Variants in DCHS2 observed in about 807,000 individuals in gnomAD.
The protein encoded by DCHS2 is dachsous cadherin-related 2, also known as protocadherin-23.
In DCHS2, 142 loss-of-function variants were observed where a neutral mutation model predicts 182.4. That is an observed-to-expected ratio of 0.78 (90% CI 0.68 to 0.89). The LOEUF (loss-of-function observed/expected upper bound fraction) is 0.89, where lower values mean the gene tolerates loss of function less well. DCHS2 is among the 40% of genes least tolerant of loss of function. The pLI, the probability that DCHS2 is intolerant of heterozygous loss-of-function variation, is 0.00. For missense variants in DCHS2, 4,319 were observed against 4,198.6 expected (o/e 1.03, Z -0.79); for synonymous variants, 1,740 against 1,663.3 (o/e 1.05, Z -1.12).
chr4:154,289,919 A>C lies in DCHS2; in HGVS notation c.6463+7932T>G, dbSNP rs915514526. Reference sequence around the variant, plus strand: ...AACACCTTCAACAAACTGGGTATAGAAGAAACATACCTCAGCAAAACAGAG... The same window carrying C: ...AACACCTTCAACAAACTGGGTATAGCAGAAACATACCTCAGCAAAACAGAG... On this transcript the variant is annotated intron_variant, in intron 13 of 19. Coordinates refer to ENST00000357232, the MANE Select transcript of DCHS2 (RefSeq NM_001358235.2). Among the ~76,000 whole-genome samples, 4 of 151,996 alleles carry C rather than the reference A, an allele frequency of 2.6e-5. No homozygotes were observed. In the South Asian group the frequency reaches 8.3e-4, roughly 31 times the overall value.
At chr4:154,275,778 G>GC (rs1561004289) in intron 13 of DCHS2, among the ~76,000 whole-genome samples, 1 of 152,102 alleles carries the variant, frequency 6.6e-6, no homozygotes, top group South Asian at 2.1e-4. Context: ...CTTATTATAT[G>GC]CCCAATTACA....
At chr4:154,393,168 C>T (rs367692791) in intron 1 of DCHS2, among the ~76,000 whole-genome samples, 52 of 152,232 alleles carry the variant, frequency 3.4e-4, no homozygotes, top group African/African-American at 8.4e-4. Flanking sequence ...ATGATTAATA[C>T]CTGATTAAAG....
intron 1 of DCHS2, among the ~76,000 whole-genome samples, chr4:154,415,309 T>G (rs1732790125): frequency 6.6e-6 from 1 of 152,226 alleles, no homozygotes; most frequent in Non-Finnish European, 1.5e-5. Context: ...ATACATAGAT[T>G]TAATTGCATA....
At position 154,333,177 on chromosome 4, in the gene DCHS2, TCCGCCC is replaced by T. The variant is rs779996681; in HGVS notation, c.3025_3030del (p.Gly1009_Arg1010del). 1 of 1,614,210 alleles carries T rather than the reference TCCGCCC, an allele frequency of 6.2e-7. No homozygotes were observed. The highest frequency in any genetic ancestry group is 1.3e-5 in the African/African-American group (1 of 75,062). Reference sequence around the variant, plus strand: ...GCGATGGAGTACCGGATGAGTCCGTTCCGCCCACTGTCTCTGTCTTCCGCACGTGCG... The same window carrying T: ...GCGATGGAGTACCGGATGAGTCCGTTACTGTCTCTGTCTTCCGCACGTGCG... On this transcript the variant is annotated inframe_deletion, in exon 5 of 20. Transcript: ENST00000357232.
chr4:154,283,156 T>A (rs1734230104), intron 13 of DCHS2, among the ~76,000 whole-genome samples: 1 of 152,120 alleles, frequency 6.6e-6, no homozygotes, highest in Non-Finnish European at 1.5e-5. Flanking sequence ...ATGGTAAATT[T>A]TATGTTATGT....
chr4:154,378,458 AAGGG>A (rs1317773138), intron 1 of DCHS2, among the ~76,000 whole-genome samples: 16 of 139,662 alleles, frequency 1.1e-4, no homozygotes, highest in Non-Finnish European at 2.0e-4. Context: ...GGAAGGAAGG[AAGGG>A]AGGAAGGAAG....
At chr4:154,285,882 G>A (rs574293867) in intron 13 of DCHS2, among the ~76,000 whole-genome samples, 2 of 152,250 alleles carry the variant, frequency 1.3e-5, no homozygotes, top group South Asian at 2.1e-4. Context: ...AACATAGCTG[G>A]TAGCAAGGCA....
intron 2 of DCHS2, chr4:154,374,057 T>C (rs1579020501): frequency 2.1e-6 from 2 of 970,038 alleles, no homozygotes; most frequent in Non-Finnish European, 3.0e-6. Flanking sequence ...ATATCTACAA[T>C]ACCAGAAAAG....
At chr4:154,471,148 TCAGGACA>T (rs1386042217) in intron 1 of DCHS2, among the ~76,000 whole-genome samples, 29 of 152,310 alleles carry the variant, frequency 1.9e-4, no homozygotes, top group African/African-American at 6.7e-4. Flanking sequence ...CCATGTGGGT[TCAGGACA>T]AACTGACTTG....
At chr4:154,301,025 T>C (rs1735178311) in intron 12 of DCHS2, among the ~76,000 whole-genome samples, 1 of 152,164 alleles carries the variant, frequency 6.6e-6, no homozygotes, top group Non-Finnish European at 1.5e-5. Context: ...ATATCCTTAT[T>C]CCTAAAATTG....
chr4:154,418,110 G>A (rs981206748), intron 1 of DCHS2, among the ~76,000 whole-genome samples: 4 of 152,040 alleles, frequency 2.6e-5, no homozygotes, highest in African/African-American at 4.8e-5. Flanking sequence ...AATTTCTGTC[G>A]TACAATTATT....
chr4:154,255,380 G>A (rs1732605354), intron 16 of DCHS2, 139 bp downstream of exon 16: 1 of 1,212,784 alleles, frequency 8.2e-7, no homozygotes, highest in Admixed American at 3.5e-5. Flanking sequence ...GTAGATCAAA[G>A]AGAATATCAA....
chr4:154,372,635 G>A (rs975694988), intron 2 of DCHS2, among the ~76,000 whole-genome samples: 1 of 152,082 alleles, frequency 6.6e-6, no homozygotes, highest in Non-Finnish European at 1.5e-5. Context: ...ATGGGAAAAG[G>A]AAACAAAAAA....
chr4:154,408,606 C>A (rs551994928), intron 1 of DCHS2, among the ~76,000 whole-genome samples: 18 of 152,200 alleles, frequency 1.2e-4, no homozygotes, highest in Admixed American at 1.1e-3. Context: ...CATTCCCACA[C>A]AAATACAGCC....
intron 1 of DCHS2, among the ~76,000 whole-genome samples, chr4:154,395,417 G>T (rs951968): frequency 0.25 from 38,389 of 151,954 alleles, 5,596 homozygotes; most frequent in African/African-American, 0.39. Context: ...CCATCTAGGA[G>T]ACTCTGGATT....
chr4:154,309,329 C>T (rs1314868614), intron 10 of DCHS2, among the ~76,000 whole-genome samples: 1 of 152,162 alleles, frequency 6.6e-6, no homozygotes, highest in Non-Finnish European at 1.5e-5. Context: ...CAAAAGGACA[C>T]TAGAAGGAGA....
intron 2 of DCHS2, among the ~76,000 whole-genome samples, chr4:154,374,965 T>C (rs184620548): frequency 3.9e-5 from 6 of 152,210 alleles, no homozygotes; most frequent in Admixed American, 3.3e-4. Context: ...TATTTGGAAA[T>C]GTAAATGGTC....
At chr4:154,336,147 C>T (rs1728798999) in intron 3 of DCHS2, among the ~76,000 whole-genome samples, 2 of 152,066 alleles carry the variant, frequency 1.3e-5, no homozygotes, top group Non-Finnish European at 1.5e-5. Context: ...TAGCTGTGTA[C>T]AATAAAACTT....
At chr4:154,392,487 A>G (rs1731752476) in intron 1 of DCHS2, among the ~76,000 whole-genome samples, 1 of 152,170 alleles carries the variant, frequency 6.6e-6, no homozygotes, top group Non-Finnish European at 1.5e-5. Context: ...TTCACAATAT[A>G]ACCTTAAGGG....
Sources: allele counts gnomAD v4.1 joint callset (sites outside exome capture counted in the v4.1 genomes callset), GRCh38; gene constraint gnomAD v4.1.1; transcripts MANE v1.5; gene names NCBI Gene and HGNC (gene_info 2026-07-23, HGNC 2026-07-21).